PPP1R13B: variants seen among roughly 807,000 people sequenced by gnomAD.
PPP1R13B encodes protein phosphatase 1 regulatory subunit 13B, also known as apoptosis-stimulating of p53 protein 1.
A neutral mutation model predicts 119.8 loss-of-function variants in PPP1R13B; 44 were observed. The ratio of observed to expected loss-of-function variants is 0.37; its 90% confidence interval spans 0.29 to 0.47. The LOEUF is 0.47. Ranked by LOEUF, PPP1R13B falls within the 20% of genes least tolerant of loss-of-function variation. The pLI, the probability that PPP1R13B is intolerant of heterozygous loss-of-function variation, is 0.99. For missense variants in PPP1R13B, 1,227 were observed against 1,413.5 expected, an observed-to-expected ratio of 0.87 and a Z score of 2.12; for synonymous variants, 542 against 561.5, an observed-to-expected ratio of 0.97 and a Z score of 0.49.
At position 103,740,725 on chromosome 14, in the gene PPP1R13B, TTTC is replaced by T; in HGVS notation, c.1823-135_1823-133del. ...ATCTGCTGCTGTTATTCAATTCTCA[TTTC>T]AAATCTCTGAGGAAACCTCCCCCTC... On this transcript the variant is annotated intron_variant, in intron 11 of 16. Coordinates refer to ENST00000202556, the MANE Select transcript of PPP1R13B (RefSeq NM_015316.3). This position sits in a 1 kb window ranked among gnomAD's most constrained non-coding sequence, Gnocchi z 4.6. 2 of 800,036 alleles carry T rather than the reference TTTC, an allele frequency of 2.5e-6. No homozygotes were observed. Among genetic ancestry groups the T allele is most frequent in the Non-Finnish European group, 3.5e-6 (2 of 578,916 alleles). 49.6% of individuals were successfully genotyped at this position (800,036 alleles called of 1,614,324 possible). A position where few individuals can be genotyped will look rare whatever the true frequency, so the allele number is the denominator to read the frequency against.
intron 1 of PPP1R13B, among the ~76,000 whole-genome samples, chr14:103,798,085 T>A (rs2085802621): frequency 6.6e-6 from 1 of 151,812 alleles, no homozygotes. Context: ...TGTTTCAAAC[T>A]ATGACTCAAA....
At chr14:103,768,463 A>T (rs1191468492) in intron 4 of PPP1R13B, among the ~76,000 whole-genome samples, 1 of 151,482 alleles carries the variant, frequency 6.6e-6, no homozygotes, top group Non-Finnish European at 1.5e-5. Context: ...CGCCCGGCTA[A>T]TTTTTTTTGT....
chr14:103,755,351 T>G (rs1220931082), intron 5 of PPP1R13B, among the ~76,000 whole-genome samples: 2 of 152,242 alleles, frequency 1.3e-5, no homozygotes, highest in Non-Finnish European at 2.9e-5. Flanking sequence ...AGTAAAGAGA[T>G]AAATCTTCAA....
intron 4 of PPP1R13B, among the ~76,000 whole-genome samples, chr14:103,776,186 G>GAGGAAGGAAGGAAGGAAGGAAGGAAGGA (rs1307197386): frequency 1.3e-5 from 1 of 76,014 alleles, no homozygotes. Flanking sequence ...GGGAGGGAGG[G>GAGGAAGGAAGGAAGGAAGGAAGGAAGGA]AGGAAGGAAG....
chr14:103,845,410 C>T (rs1449774835), intron 1 of PPP1R13B, among the ~76,000 whole-genome samples: 1 of 152,056 alleles, frequency 6.6e-6, no homozygotes, highest in Admixed American at 6.5e-5. Flanking sequence ...AGAGAAATAC[C>T]ATCTGTTTCT....
intron 4 of PPP1R13B, among the ~76,000 whole-genome samples, chr14:103,760,717 G>C (rs574537878): frequency 6.6e-6 from 1 of 152,234 alleles, no homozygotes; most frequent in East Asian, 1.9e-4. Context: ...CATGAACCCA[G>C]CTCACTCTCC....
At chr14:103,769,249 C>A (rs1297466732) in intron 4 of PPP1R13B, among the ~76,000 whole-genome samples, 1 of 151,472 alleles carries the variant, frequency 6.6e-6, no homozygotes, top group Non-Finnish European at 1.5e-5. Flanking sequence ...CCATGCCAGG[C>A]TAATATTTGT....
At chr14:103,808,494 A>G (rs1490577586) in intron 1 of PPP1R13B, among the ~76,000 whole-genome samples, 1 of 152,226 alleles carries the variant, frequency 6.6e-6, no homozygotes, top group East Asian at 1.9e-4. Flanking sequence ...ATGTTTTAAG[A>G]AAGTTTACTA....
At chr14:103,840,346 A>T (rs2086874243) in intron 1 of PPP1R13B, among the ~76,000 whole-genome samples, 1 of 152,244 alleles carries the variant, frequency 6.6e-6, no homozygotes, top group African/African-American at 2.4e-5. Flanking sequence ...TAACCCAGTG[A>T]TATTTTAAGT....
chr14:103,734,813 G>C lies in PPP1R13B; in HGVS notation c.*341C>G. On this transcript the variant is annotated 3_prime_UTR_variant, in exon 17 of 17. Coordinates refer to ENST00000202556, the MANE Select transcript of PPP1R13B (RefSeq NM_015316.3). ...TGCTGGAGGGGGTGATGGCCTCGGGGCCAAGTCAGTAAGAGCTTCTGTCTT... is the reference window on the plus strand; with the variant it reads ...TGCTGGAGGGGGTGATGGCCTCGGGCCCAAGTCAGTAAGAGCTTCTGTCTT... 1 of 463,060 alleles carries C rather than the reference G, an allele frequency of 2.2e-6. No individual in the cohort carries two copies. Among genetic ancestry groups the C allele is most frequent in the Admixed American group, 2.4e-5 (1 of 41,224 alleles). 28.7% of individuals were successfully genotyped at this position (463,060 alleles called of 1,614,324 possible).
At chr14:103,758,578 G>A (rs2084731174) in intron 4 of PPP1R13B, among the ~76,000 whole-genome samples, 1 of 152,214 alleles carries the variant, frequency 6.6e-6, no homozygotes, top group South Asian at 2.1e-4. Context: ...TGTGCCATAT[G>A]CTCTTCAAAA....
Position 103,847,360 on chromosome 14 carries a change from C to A in PPP1R13B, c.-53G>T. 8.5e-7 allele frequency: 1 copy of A among 1,178,158 alleles called. No individual in the cohort carries two copies. Among genetic ancestry groups the A allele is most frequent in the Admixed American group, 3.6e-5 (1 of 27,688 alleles). The allele number at this position is 1,178,158 out of a possible 1,614,324, so 73.0% of individuals were successfully genotyped here. A position where few individuals can be genotyped will look rare whatever the true frequency, so the allele number is the denominator to read the frequency against. ...CCGCCGCCTGACAGGACGCTCCGCG[C>A]CGAGCTGTGCCCACCGCTCCGGCCG... On this transcript the variant is annotated 5_prime_UTR_variant, in exon 1 of 17. Transcript: ENST00000202556.
At chr14:103,788,135 A>AG (rs1285747562) in intron 2 of PPP1R13B, among the ~76,000 whole-genome samples, 1 of 152,064 alleles carries the variant, frequency 6.6e-6, no homozygotes, top group East Asian at 1.9e-4. Context: ...TGAAAAAAAA[A>AG]AAGATTAAAA....
intron 1 of PPP1R13B, among the ~76,000 whole-genome samples, chr14:103,816,735 T>C (rs573038972): frequency 2.0e-5 from 3 of 152,142 alleles, no homozygotes; most frequent in African/African-American, 7.2e-5. Context: ...TAAACATTTA[T>C]AGCTGTACCT....
At position 103,740,249 on chromosome 14, in the gene PPP1R13B, G is replaced by C. The variant is rs952207226; in HGVS notation, c.2167C>G (p.Gln723Glu). 1 of 1,607,616 alleles carries C rather than the reference G, an allele frequency of 6.2e-7. No homozygotes were observed. The highest frequency in any genetic ancestry group is 8.5e-7 in the Non-Finnish European group (1 of 1,175,938). The change falls in exon 12 of 17, where the codon CAG becomes GAG. Residue 723 changes from glutamine (Q) to glutamate (E), a missense_variant. Gln to Glu is a conservative substitution (Grantham distance 29). Transcript: ENST00000202556. This position sits in a 1 kb window ranked among gnomAD's most constrained non-coding sequence, Gnocchi z 4.6. ...TTGAAGCGCTGGTACAGCAGCTTCT[G>C]GATGTTGGGCCCGCCGGGGCCCTCG... is the stretch of plus-strand genomic sequence containing the variant. ...EPEGPGGPNI[Q>E]KLLYQRFNTL...
At chr14:103,741,349 G>C (rs1255577577) in intron 11 of PPP1R13B, among the ~76,000 whole-genome samples, 1 of 152,188 alleles carries the variant, frequency 6.6e-6, no homozygotes, top group Non-Finnish European at 1.5e-5. Context: ...CTGGGCTATG[G>C]GGGAGGCTCC....
chr14:103,788,568 A>T (rs1165744760), intron 2 of PPP1R13B, among the ~76,000 whole-genome samples: 1 of 152,144 alleles, frequency 6.6e-6, no homozygotes, highest in African/African-American at 2.4e-5. Context: ...GCACATCTGT[A>T]ATTGCAGCTA....
Position 103,734,960 on chromosome 14 carries a change from C to T in PPP1R13B, c.*194G>A, listed in dbSNP as rs757985866. The T allele has an allele frequency of 9.7e-6, 7 of 718,650 alleles. No individual in the cohort carries two copies. The highest frequency in any genetic ancestry group is 1.7e-5 in the Non-Finnish European group (7 of 400,102). 44.5% of individuals were successfully genotyped at this position (718,650 alleles called of 1,614,324 possible). A position where few individuals can be genotyped will look rare whatever the true frequency, so the allele number is the denominator to read the frequency against. On this transcript the variant is annotated 3_prime_UTR_variant, in exon 17 of 17. Coordinates refer to ENST00000202556, the MANE Select transcript of PPP1R13B (RefSeq NM_015316.3). ...AATTCAGTCCTTGGAGGCGAAAGTA[C>T]CTCTCCCAGTTAATGGGCAAACTGG... is the stretch of plus-strand genomic sequence containing the variant.
chr14:103,738,345 T>C lies in PPP1R13B; in HGVS notation c.2864+334A>G. On this transcript the variant is annotated intron_variant, in intron 14 of 16. Coordinates refer to ENST00000202556, the MANE Select transcript of PPP1R13B (RefSeq NM_015316.3). This position sits in a 1 kb window ranked among gnomAD's most constrained non-coding sequence, Gnocchi z 5.6. ...GCCTGACCCAGGGGGATGCTGAGGC[T>C]GCTTTTCACACGGAGCACAGAGTGT... 1 of 338,464 alleles carries C rather than the reference T, an allele frequency of 3.0e-6. No individual in the cohort carries two copies. The highest frequency in any genetic ancestry group is 4.4e-5 in the Admixed American group (1 of 22,870). The allele number at this position is 338,464 out of a possible 1,614,324, so 21.0% of individuals were successfully genotyped here.
Sources: allele counts gnomAD v4.1 joint callset (sites outside exome capture counted in the v4.1 genomes callset), GRCh38; gene constraint gnomAD v4.1.1; non-coding constraint Gnocchi (gnomAD v3.1); transcripts MANE v1.5; gene names NCBI Gene and HGNC (gene_info 2026-07-23, HGNC 2026-07-21).